The following RALGDS variants were observed in gnomAD, a reference collection of about 807,000 sequenced individuals.
The protein encoded by RALGDS is ral guanine nucleotide exchange factor.
In RALGDS, 44 loss-of-function variants were observed where a neutral mutation model predicts 99.8. That is an observed-to-expected ratio of 0.44 (90% CI 0.35 to 0.57). The LOEUF (loss-of-function observed/expected upper bound fraction) is 0.57. Ranked by LOEUF, RALGDS falls within the 20% of genes least tolerant of loss-of-function variation. The probability of loss-of-function intolerance (pLI) is 0.01; values close to 1 mark genes in which losing one functional copy is unlikely to be tolerated. For missense variants in RALGDS, 1,022 were observed against 1,203.1 expected (o/e 0.85, Z 2.23); for synonymous variants, 529 against 505.0 (o/e 1.05, Z -0.64).
At chr9:133,108,954 G>T in intron 4 of RALGDS, 88 bp from the exon 5 acceptor site, 2 of 1,325,412 alleles carry the variant, frequency 1.5e-6, no homozygotes, top group Non-Finnish European at 2.1e-6. Context: ...TCCATCTGAA[G>T]GCCACCTGCC....
At chr9:133,108,562 AG>A (rs1238396535) in intron 5 of RALGDS, 110 bp downstream of exon 5, 1 of 1,454,940 alleles carries the variant, frequency 6.9e-7, no homozygotes, top group African/African-American at 1.4e-5. Context: ...GTGTGGTCTG[AG>A]GCTCATCTGG....
At chr9:133,143,771 T>C (rs113840034) in intron 1 of RALGDS, among the ~76,000 whole-genome samples, 2,548 of 111,470 alleles carry the variant, frequency 0.023, 25 homozygotes, top group Admixed American at 0.044. Context: ...ATAATAATAA[T>C]AACAACAACA....
At chr9:133,119,964 C>T (rs1050295101) in intron 1 of RALGDS, among the ~76,000 whole-genome samples, 1 of 152,186 alleles carries the variant, frequency 6.6e-6, no homozygotes, top group Non-Finnish European at 1.5e-5. Context: ...CGACTGGAGA[C>T]GCAGCAAGGC....
At chr9:133,125,511 A>G (rs528832313), upstream of RALGDS, among the ~76,000 whole-genome samples, 153 of 152,298 alleles carry the variant, frequency 1.0e-3, no homozygotes, top group African/African-American at 3.6e-3. Flanking sequence ...AGCTGGGTGG[A>G]TCACTTGAGG....
chr9:133,122,459 A>C (rs1376804113), upstream of RALGDS, among the ~76,000 whole-genome samples: 1 of 152,184 alleles, frequency 6.6e-6, no homozygotes, highest in Non-Finnish European at 1.5e-5. Flanking sequence ...CAGACAGCAC[A>C]TTCCACGAGC....
At position 133,112,271 on chromosome 9, in the gene RALGDS, A is replaced by G. The variant is rs1831385344; in HGVS notation, c.184-119T>C. 7.0e-6 allele frequency: 5 copies of G among 712,070 alleles called. No individual in the cohort carries two copies. In the African/African-American group the frequency reaches 8.7e-5, roughly 12 times the overall value. 44.1% of individuals were successfully genotyped at this position (712,070 alleles called of 1,614,324 possible). On this transcript the variant is annotated intron_variant, in intron 1 of 17. Transcript: ENST00000372050. ...ATAGGGCACAGACTGGCGGCTGCAC[A>G]GACCTACAGCCTGGGGTGGAATGAG... is the stretch of plus-strand genomic sequence containing the variant.
chr9:133,148,122 G>A (rs1465562395), intron 1 of RALGDS, among the ~76,000 whole-genome samples: 2 of 152,200 alleles, frequency 1.3e-5, no homozygotes, highest in Admixed American at 1.3e-4. Flanking sequence ...TCGGTGGGTA[G>A]TGGGGGCATC....
chr9:133,130,161 G>A (rs1469639009), intron 1 of RALGDS, among the ~76,000 whole-genome samples: 4 of 152,064 alleles, frequency 2.6e-5, no homozygotes, highest in African/African-American at 9.7e-5. Flanking sequence ...TAGTAGAGAT[G>A]GGGCTTCACT....
intron 17 of RALGDS, chr9:133,099,028 C>A (rs1372637818): frequency 6.4e-6 from 3 of 467,756 alleles, no homozygotes; most frequent in South Asian, 2.1e-5. Flanking sequence ...CAGAGGGTCA[C>A]CCCGTCCTGC....
intron 1 of RALGDS, among the ~76,000 whole-genome samples, chr9:133,139,554 G>A (rs1423636879): frequency 6.6e-6 from 1 of 152,248 alleles, no homozygotes; most frequent in Non-Finnish European, 1.5e-5. Flanking sequence ...TGTCAACTGG[G>A]CAGCAGGGCC....
At chr9:133,100,596 G>A (rs576306567) in intron 16 of RALGDS, 1 of 1,433,998 alleles carries the variant, frequency 7.0e-7, no homozygotes, top group South Asian at 1.4e-5. Flanking sequence ...GGCCTCCATG[G>A]AATGAGGAGG....
Position 133,108,157 on chromosome 9 carries a change from G to C in RALGDS, c.1028C>G (p.Pro343Arg), listed in dbSNP as rs144981096. The C allele has an allele frequency of 3.4e-4, 545 of 1,613,208 alleles. 1 individual carries two copies. Among genetic ancestry groups the C allele is most frequent in the Non-Finnish European group, 5.3e-5 (63 of 1,179,958 alleles). ...LELEPAPEQD[P>R]APSQTLELEP... ...CAGCTCTAGAGTTTGTGAGGGAGCT[G>C]GATCCTGTTCTGGAGCTGGCTCTAG... is the stretch of plus-strand genomic sequence containing the variant. Residue 343 changes from proline (P) to arginine (R), a missense_variant, in exon 6 of 18, where the codon CCA becomes CGA. Physicochemically the swap from Pro to Arg is moderately radical, Grantham distance 103. Coordinates refer to ENST00000372050, the MANE Select transcript of RALGDS (RefSeq NM_006266.4).
At chr9:133,132,720 A>G (rs534928203), upstream of RALGDS, among the ~76,000 whole-genome samples, 34 of 151,840 alleles carry the variant, frequency 2.2e-4, no homozygotes, top group East Asian at 7.8e-4. Context: ...GCTCACTGCA[A>G]CCTCCGACTC....
intron 1 of RALGDS, among the ~76,000 whole-genome samples, chr9:133,120,427 G>GC (rs1491378609): frequency 4.4e-3 from 128 of 28,980 alleles, no homozygotes; most frequent in African/African-American, 8.4e-3. Context: ...CCCATCCCCC[G>GC]ACCCCCCCCC....
rs374088319 is a variant in RALGDS at position 133,098,582 on chromosome 9, T to A, written c.*5A>T. ...ACCAGCCAGCCAGACCCTGGGAGGA[T>A]GCCCTCAGAAGATGCCCTTGGCAAT... is the stretch of plus-strand genomic sequence containing the variant. On this transcript the variant is annotated 3_prime_UTR_variant, in exon 18 of 18. Transcript: ENST00000372050. The A allele has an allele frequency of 5.0e-5, 81 of 1,613,922 alleles. No individual in the cohort carries two copies. The African/African-American group carries it at 9.6e-4, about 19-fold the overall frequency.
intron 4 of RALGDS, among the ~76,000 whole-genome samples, chr9:133,109,266 C>T (rs1009675478): frequency 3.9e-5 from 6 of 152,188 alleles, no homozygotes; most frequent in Non-Finnish European, 7.4e-5. Context: ...GCAGCCTGCC[C>T]ACTGAGCACT....
upstream of RALGDS, among the ~76,000 whole-genome samples, chr9:133,122,401 G>A (rs1327875332): frequency 5.3e-5 from 8 of 152,232 alleles, no homozygotes; most frequent in Non-Finnish European, 2.9e-5. Flanking sequence ...GGTCTGGTCC[G>A]TACTATTGGG....
intron 1 of RALGDS, among the ~76,000 whole-genome samples, chr9:133,126,728 G>A (rs566689223): frequency 1.8e-4 from 28 of 152,348 alleles, no homozygotes; most frequent in Admixed American, 5.2e-4. Flanking sequence ...ACACACAGAT[G>A]GAAACTGAGC....
intron 6 of RALGDS, 89 bp from the exon 7 acceptor site, chr9:133,107,389 G>A (rs1209895373): frequency 8.4e-7 from 1 of 1,195,612 alleles, no homozygotes; most frequent in Non-Finnish European, 1.2e-6. Context: ...AGCCTTGTGG[G>A]GATCTCTGGG....
Sources: gnomAD v4.1 joint callset for allele counts (sites outside exome capture counted in the v4.1 genomes callset) on GRCh38, gnomAD v4.1.1 for gene constraint, MANE v1.5 for transcripts, NCBI Gene and HGNC (gene_info 2026-07-23, HGNC 2026-07-21) for gene names.